The following NPNT variants were observed in gnomAD, a reference collection of about 807,000 sequenced individuals.
NPNT encodes the protein nephronectin, also known as preosteoblast EGF-like repeat protein with MAM domain.
In NPNT, 45 loss-of-function variants were observed where a neutral mutation model predicts 68.6. The observed-to-expected ratio is 0.66, with a 90% CI of 0.52 to 0.84. The LOEUF is 0.84. Among genes scored for constraint, NPNT ranks in the 40% least tolerant of loss-of-function variants. The pLI is 0.00. For missense variants in NPNT, 672 were observed against 714.8 expected (o/e 0.94, Z 0.68); for synonymous variants, 233 against 253.3 (o/e 0.92, Z 0.76).
chr4:105,954,580 AG>A (rs1241295310), intron 8 of NPNT, among the ~76,000 whole-genome samples: 1 of 152,084 alleles, frequency 6.6e-6, no homozygotes, highest in African/African-American at 2.4e-5. Context: ...AATATTTACA[AG>A]GCTTTAAAAG....
chr4:105,940,889 T>TA (rs1729893694), intron 7 of NPNT, among the ~76,000 whole-genome samples: 2 of 152,192 alleles, frequency 1.3e-5, no homozygotes, highest in Admixed American at 6.5e-5. Flanking sequence ...ATTTTCTTTT[T>TA]AGCTAAAAAG....
chr4:105,958,847 G>A, intron 9 of NPNT, 181 bp from the exon 10 acceptor site: 1 of 573,986 alleles, frequency 1.7e-6, no homozygotes. Context: ...TATTTTTACA[G>A]ATGATGCACT....
intron 7 of NPNT, among the ~76,000 whole-genome samples, chr4:105,941,079 C>T (rs918033862): frequency 6.6e-5 from 10 of 152,112 alleles, no homozygotes; most frequent in Non-Finnish European, 1.3e-4. Flanking sequence ...TGGCTCATGC[C>T]TGTAATCCTA....
chr4:105,897,326 A>G (rs1725939247), intron 1 of NPNT, among the ~76,000 whole-genome samples: 1 of 152,224 alleles, frequency 6.6e-6, no homozygotes. Flanking sequence ...GGTTTTATTT[A>G]GACTTTTTTC....
intron 8 of NPNT, among the ~76,000 whole-genome samples, chr4:105,950,685 A>G (rs1004321209): frequency 1.2e-4 from 18 of 151,988 alleles, no homozygotes; most frequent in South Asian, 2.1e-4. Flanking sequence ...CTTTTATTCA[A>G]CCAGCGGTGA....
chr4:105,965,331 TA>T (rs1263557413), intron 10 of NPNT, among the ~76,000 whole-genome samples: 1 of 147,400 alleles, frequency 6.8e-6, no homozygotes, highest in African/African-American at 2.6e-5. Flanking sequence ...TCATTTCCTT[TA>T]TTACAAAGGG....
In NPNT at chr4:105,903,783, C is replaced by CTTTT. The variant is rs746122761; in HGVS notation, c.172+5798_172+5801dup. Among the ~76,000 whole-genome samples, 437 of 126,948 alleles carry CTTTT rather than the reference C, an allele frequency of 3.4e-3. 7 individuals are homozygous for CTTTT. Among genetic ancestry groups the CTTTT allele is most frequent in the African/African-American group, 0.012 (411 of 33,096 alleles). The allele number at this position is 126,948 out of a possible 152,430, so 83.3% of individuals were successfully genotyped here. A position where few individuals can be genotyped will look rare whatever the true frequency, so the allele number is the denominator to read the frequency against. On this transcript the variant is annotated intron_variant, in intron 2 of 11. Coordinates refer to ENST00000379987, the MANE Select transcript of NPNT (RefSeq NM_001033047.3). ...AAGGTTTTATTTATAGACCTTCTTACTTTTTTTTTTTTTTTTTTTGAGATA... is the reference window on the plus strand; with the variant it reads ...AAGGTTTTATTTATAGACCTTCTTACTTTTTTTTTTTTTTTTTTTTTTTGAGATA...
intron 2 of NPNT, among the ~76,000 whole-genome samples, chr4:105,918,863 C>T (rs1443802873): frequency 6.6e-6 from 1 of 152,074 alleles, no homozygotes; most frequent in Non-Finnish European, 1.5e-5. Flanking sequence ...TTTGGGTTTT[C>T]TCATTTAGTC....
intron 8 of NPNT, among the ~76,000 whole-genome samples, chr4:105,948,668 A>G (rs1391982379): frequency 6.6e-6 from 1 of 152,092 alleles, no homozygotes; most frequent in African/African-American, 2.4e-5. Flanking sequence ...TTTTTTTGAG[A>G]CAGAGTCTCA....
intron 2 of NPNT, among the ~76,000 whole-genome samples, chr4:105,913,160 C>T (rs1430867782): frequency 6.6e-6 from 1 of 152,150 alleles, no homozygotes; most frequent in Non-Finnish European, 1.5e-5. Flanking sequence ...AGCTACTGCA[C>T]CCGGCCTGAG....
intron 1 of NPNT, among the ~76,000 whole-genome samples, chr4:105,896,627 C>A (rs1313108655): frequency 6.6e-6 from 1 of 152,338 alleles, no homozygotes; most frequent in Admixed American, 6.5e-5. Flanking sequence ...CTGCCCCCAC[C>A]CCTCCGTGTA....
intron 3 of NPNT, among the ~76,000 whole-genome samples, chr4:105,936,075 T>G (rs2149366743): frequency 6.6e-6 from 1 of 152,362 alleles, no homozygotes; most frequent in Middle Eastern, 3.4e-3. Context: ...TGTTTATTTG[T>G]CATTATGAGT....
At chr4:105,916,321 T>G (rs1370106316) in intron 2 of NPNT, among the ~76,000 whole-genome samples, 1 of 152,028 alleles carries the variant, frequency 6.6e-6, no homozygotes, top group African/African-American at 2.4e-5. Flanking sequence ...CCAGGTTCAA[T>G]GGACTCTCCT....
At chr4:105,958,270 G>C (rs1321806041) in intron 8 of NPNT, among the ~76,000 whole-genome samples, 1 of 152,038 alleles carries the variant, frequency 6.6e-6, no homozygotes, top group Non-Finnish European at 1.5e-5. Flanking sequence ...TTTAAAAAAT[G>C]TACCCAGATC....
chr4:105,954,809 G>C (rs185154860), intron 8 of NPNT, among the ~76,000 whole-genome samples: 1 of 152,200 alleles, frequency 6.6e-6, no homozygotes, highest in African/African-American at 2.4e-5. Context: ...CCCCAGCCTA[G>C]CTTAGCCAGT....
At chr4:105,919,529 A>G (rs940571976) in intron 2 of NPNT, among the ~76,000 whole-genome samples, 9 of 152,124 alleles carry the variant, frequency 5.9e-5, no homozygotes, top group Admixed American at 1.3e-4. Flanking sequence ...AGAATCAAAC[A>G]CTGCATTTAG....
chr4:105,914,311 T>A (rs1727610340), intron 2 of NPNT, among the ~76,000 whole-genome samples: 1 of 141,652 alleles, frequency 7.1e-6, no homozygotes, highest in African/African-American at 2.6e-5. Context: ...CTGCAGTAGT[T>A]GGTCCTGGAT....
intron 11 of NPNT, among the ~76,000 whole-genome samples, chr4:105,968,016 T>C (rs1343652247): frequency 6.6e-6 from 1 of 152,178 alleles, no homozygotes; most frequent in Non-Finnish European, 1.5e-5. Flanking sequence ...AATATATAAA[T>C]TTGATCTTAA....
chr4:105,962,619 G>GA (rs1403099871), intron 10 of NPNT, among the ~76,000 whole-genome samples: 1 of 152,160 alleles, frequency 6.6e-6, no homozygotes, highest in Non-Finnish European at 1.5e-5. Context: ...ATTCAGAATG[G>GA]AATGTGGAAA....
Sources: gnomAD v4.1 joint callset for allele counts (sites outside exome capture counted in the v4.1 genomes callset) on GRCh38, gnomAD v4.1.1 for gene constraint, MANE v1.5 for transcripts, NCBI Gene and HGNC (gene_info 2026-07-23, HGNC 2026-07-21) for gene names.